Variants in KLHL13 observed in about 807,000 individuals in gnomAD.
KLHL13 encodes the protein kelch like family member 13, also known as kelch-like protein 13.
KLHL13 carries 10 observed loss-of-function variants against 37.1 expected under a neutral mutation model. That is an observed-to-expected ratio of 0.27 (90% CI 0.17 to 0.46). KLHL13 has a LOEUF of 0.46. Among genes scored for constraint, KLHL13 ranks in the 20% least tolerant of loss-of-function variants. The pLI is 1.00. For synonymous variants in KLHL13, 163 were observed against 181.2 expected, an observed-to-expected ratio of 0.90 and a Z score of 0.81; for missense variants, 360 against 509.3, an observed-to-expected ratio of 0.71 and a Z score of 2.82.
intron 1 of KLHL13, among the ~76,000 whole-genome samples, chrX:118,012,492 C>T (rs1241709712): frequency 9.1e-6 from 1 of 110,372 alleles, no homozygotes; most frequent in African/African-American, 3.3e-5. Flanking sequence ...ATCACATCTC[C>T]TTTTCCTGAC....
chrX:117,902,480 C>T (rs1268837280), intron 5 of KLHL13, among the ~76,000 whole-genome samples: 1 of 111,778 alleles, frequency 8.9e-6, no homozygotes, highest in Non-Finnish European at 1.9e-5. Flanking sequence ...AATTTCTCTA[C>T]ATTTATACTT....
At chrX:118,066,289 T>C (rs1370626940) in intron 1 of KLHL13, among the ~76,000 whole-genome samples, 1 of 111,871 alleles carries the variant, frequency 8.9e-6, no homozygotes. Context: ...CTACACACTT[T>C]TAAGTCACTA....
At chrX:118,027,601 G>T (rs1035087466) in intron 1 of KLHL13, among the ~76,000 whole-genome samples, 1 of 108,298 alleles carries the variant, frequency 9.2e-6, no homozygotes. Context: ...TATCTGCCCA[G>T]CTCACTCACT....
intron 4 of KLHL13, among the ~76,000 whole-genome samples, chrX:117,912,967 T>C (rs1271931679): frequency 8.9e-6 from 1 of 111,940 alleles, no homozygotes; most frequent in Non-Finnish European, 1.9e-5. Flanking sequence ...TACTAAAACC[T>C]TATTAATTTC....
intron 1 of KLHL13, among the ~76,000 whole-genome samples, chrX:118,078,630 G>T (rs1227487334): frequency 9.0e-6 from 1 of 111,460 alleles, no homozygotes; most frequent in Non-Finnish European, 1.9e-5. Flanking sequence ...ATATTTTGGT[G>T]TACATACACC....
At chrX:118,039,700 C>T (rs1306580075) in intron 1 of KLHL13, among the ~76,000 whole-genome samples, 2 of 111,647 alleles carry the variant, frequency 1.8e-5, no homozygotes, top group East Asian at 2.8e-4. Flanking sequence ...TGGCTGGATT[C>T]ACCACATGCT....
At chrX:117,923,822 C>A (rs1931855741) in intron 2 of KLHL13, among the ~76,000 whole-genome samples, 1 of 111,601 alleles carries the variant, frequency 9.0e-6, no homozygotes, top group African/African-American at 3.3e-5. Context: ...ATTCTTTTCA[C>A]AGATTTTATC....
chrX:117,910,081 A>G, exon 5 of KLHL13: 1 of 1,161,729 alleles, frequency 8.6e-7, no homozygotes, highest in Non-Finnish European at 1.1e-6. Context: ...ACTTCAACAC[A>G]GTTGTCTAAA....
intron 1 of KLHL13, among the ~76,000 whole-genome samples, chrX:117,971,849 A>T (rs189950249): frequency 1.8e-5 from 2 of 112,090 alleles, no homozygotes; most frequent in African/African-American, 3.2e-5. Context: ...TAAATATTTT[A>T]AAAATAACAC....
intron 1 of KLHL13, among the ~76,000 whole-genome samples, chrX:118,051,204 A>C (rs1185419376): frequency 9.1e-6 from 1 of 110,464 alleles, no homozygotes; most frequent in Non-Finnish European, 1.9e-5. Context: ...AAAAAAAAAA[A>C]CTTACAAATG....
intron 1 of KLHL13, among the ~76,000 whole-genome samples, chrX:118,015,490 T>C (rs1186160674): frequency 3.6e-5 from 4 of 111,072 alleles, no homozygotes; most frequent in Non-Finnish European, 7.6e-5. Flanking sequence ...CTTTAGTATG[T>C]AGGCAAGGAC....
At chrX:118,091,962 A>C (rs1405727631) in intron 1 of KLHL13, among the ~76,000 whole-genome samples, 1 of 112,195 alleles carries the variant, frequency 8.9e-6, no homozygotes, top group African/African-American at 3.2e-5. Flanking sequence ...AGGAATGGAA[A>C]ACCACCAAAC....
At chrX:117,920,346 C>T in exon 3 of KLHL13, 1 of 1,206,834 alleles carries the variant, frequency 8.3e-7, no homozygotes, top group East Asian at 3.0e-5. Flanking sequence ...CAAAGCAATC[C>T]TTCAAGTCGA....
At chrX:118,011,302 A>G (rs1458268896) in intron 1 of KLHL13, among the ~76,000 whole-genome samples, 3 of 109,454 alleles carry the variant, frequency 2.7e-5, no homozygotes. Context: ...TCTGTGCAGG[A>G]GAAAAGCCTG....
intron 1 of KLHL13, among the ~76,000 whole-genome samples, chrX:118,101,829 C>T (rs1355516946): frequency 1.8e-5 from 2 of 111,711 alleles, no homozygotes; most frequent in African/African-American, 6.5e-5. Context: ...TCACTCTTCT[C>T]TCTCCTGCCA....
intron 4 of KLHL13, among the ~76,000 whole-genome samples, chrX:117,914,030 A>T (rs1931174754): frequency 9.1e-6 from 1 of 110,430 alleles, no homozygotes; most frequent in Non-Finnish European, 1.9e-5. Context: ...CAACATCATA[A>T]TATTGCAAGT....
chrX:117,944,534 A>G (rs1933221281), intron 2 of KLHL13, among the ~76,000 whole-genome samples: 1 of 111,767 alleles, frequency 8.9e-6, no homozygotes, highest in Admixed American at 9.5e-5. Context: ...CCCTCATTAT[A>G]TTATATTCTA....
chrX:117,994,650 G>A (rs1313900844), intron 1 of KLHL13, among the ~76,000 whole-genome samples: 1 of 112,067 alleles, frequency 8.9e-6, no homozygotes, highest in Non-Finnish European at 1.9e-5. Context: ...GTCTCACTGG[G>A]CACATTCAGC....
At chrX:117,914,233 T>A (rs994555546) in intron 4 of KLHL13, 2 of 109,470 alleles carry the variant, frequency 1.8e-5, no homozygotes, top group African/African-American at 6.6e-5. Context: ...TATCTGCTTT[T>A]TTTTTTTTTT....
Sources: allele counts gnomAD v4.1 joint callset (sites outside exome capture counted in the v4.1 genomes callset), GRCh38; gene constraint gnomAD v4.1.1; transcripts MANE v1.5; gene names NCBI Gene and HGNC (gene_info 2026-07-23, HGNC 2026-07-21).